The following AGRN variants were observed in gnomAD, a reference collection of about 807,000 sequenced individuals.
AGRN encodes agrin proteoglycan.
Under a neutral mutation model 211.0 loss-of-function variants are expected in AGRN, and 106 were observed. That is an observed-to-expected ratio of 0.50 (90% CI 0.43 to 0.59). The LOEUF (loss-of-function observed/expected upper bound fraction) is 0.59, where lower values mean the gene tolerates loss of function less well. AGRN is among the 20% of genes least tolerant of loss of function. The probability of loss-of-function intolerance (pLI) is 0.00; values close to 1 mark genes in which losing one functional copy is unlikely to be tolerated. For missense variants in AGRN, 3,040 were observed against 2,982.6 expected (o/e 1.02, Z -0.45); for synonymous variants, 1,525 against 1,332.5 (o/e 1.14, Z -3.15).
rs940581903 is a variant in AGRN, at chr1:1,032,879, C to T, written c.464-2398C>T. Among the ~76,000 whole-genome samples the T allele has an allele frequency of 2.0e-5, 3 of 152,080 alleles. No individual in the cohort carries two copies. Among genetic ancestry groups the T allele is most frequent in the South Asian group, 2.1e-4 (1 of 4,810 alleles). On this transcript the variant is annotated intron_variant, in intron 2 of 35. Transcript: ENST00000379370. This position sits in a 1 kb window ranked among gnomAD's most constrained non-coding sequence, Gnocchi z 4.7. ...GAGAGATTCTGGCCTCCAGGGTGGT[C>T]GGGCCTGGCATGGACTCTAGGGGAT...
intron 3 of AGRN, among the ~76,000 whole-genome samples, chr1:1,036,863 CCTTCCTGAGA>C (rs1201439939): frequency 1.3e-5 from 2 of 152,142 alleles, no homozygotes; most frequent in Non-Finnish European, 2.9e-5. Flanking sequence ...TTGCTGTCCC[CCTTCCTGAGA>C]CTCAGGAGCC....
intron 1 of AGRN, 123 bp from the exon 2 acceptor site, chr1:1,022,078 C>T: frequency 7.8e-7 from 1 of 1,276,194 alleles, no homozygotes. Context: ...ACTCAGAGGT[C>T]TCCCCACATC....
chr1:1,053,254 G>A (rs946137724), intron 33 of AGRN: 12 of 356,218 alleles, frequency 3.4e-5, no homozygotes, highest in African/African-American at 8.7e-5. Flanking sequence ...GTGTCTGCAC[G>A]TGGGTGTCTG....
At chr1:1,051,412 C>CG (rs1645286210) in intron 31 of AGRN, 41 bp from the exon 32 acceptor site, 1 of 652,612 alleles carries the variant, frequency 1.5e-6, no homozygotes, top group African/African-American at 1.8e-5. Flanking sequence ...CCGGGGCGGG[C>CG]GGGGTGGCAG....
chr1:1,053,401 G>A (rs527289909), intron 33 of AGRN: 1 of 1,318,428 alleles, frequency 7.6e-7, no homozygotes, highest in South Asian at 1.3e-5. Context: ...TGTTGAGATG[G>A]GTTTGCATTG....
chr1:1,037,396 G>A (rs769215805), intron 3 of AGRN, among the ~76,000 whole-genome samples: 5 of 152,178 alleles, frequency 3.3e-5, no homozygotes, highest in Non-Finnish European at 5.9e-5. Context: ...CAAGGCCATC[G>A]TGACCCACAT....
rs755829410 is a variant in AGRN, at chr1:1,048,933, A to G, written c.4172A>G (p.Tyr1391Cys). 3 of 1,563,848 alleles carry G rather than the reference A, an allele frequency of 1.9e-6. No homozygotes were observed. Among genetic ancestry groups the G allele is most frequent in the Non-Finnish European group, 2.6e-6 (3 of 1,155,650 alleles). The change falls in exon 24 of 36, where the codon TAC (tyrosine) becomes TGC (cysteine). Residue 1391 changes from tyrosine (Y) to cysteine (C), a missense_variant. By Grantham distance (194) the Tyr-to-Cys change is radical. This residue lies in a region of AGRN where 1,537 missense variants were observed against 1,505.0 expected (regional missense o/e 1.02). Transcript: ENST00000379370. The surrounding 1 kb of genome is among the most constrained non-coding windows in gnomAD (Gnocchi z 5.9). ...CTGGCCTTCCCCACTCTCCGCGCCT[A>G]CCACACGCTGCGCCTGGCACTGGAA... is the stretch of plus-strand genomic sequence containing the variant. ...SFLAFPTLRAYHTLRLALEFR... is the reference protein window; with the variant it reads ...SFLAFPTLRACHTLRLALEFR...
chr1:1,047,332 A>G lies in AGRN; in HGVS notation c.3394A>G (p.Lys1132Glu), dbSNP rs1199250838. Residue 1132 changes from lysine (K) to glutamate (E), a missense_variant, in exon 20 of 36, where the codon AAG (lysine) becomes GAG (glutamate). This residue lies in a region of AGRN where 1,537 missense variants were observed against 1,505.0 expected (regional missense o/e 1.02). Transcript: ENST00000379370. The part of the protein sequence containing the change: ...DAEGSNCPAT[K>E]VFQGVLELEG... ...TCACTGTACCTCCCCCACAGCCACC[A>G]AGGTGTTCCAGGGCGTCCTGGAGCT... is the stretch of plus-strand genomic sequence containing the variant. 1 of 1,601,894 alleles carries G rather than the reference A, an allele frequency of 6.2e-7. No individual in the cohort carries two copies.
At position 1,046,020 on chromosome 1, in the gene AGRN, G is replaced by T; in HGVS notation, c.2737G>T (p.Val913Leu). ...EMRCEFGARC[V>L]EESGSAHCVC... is the part of the protein sequence containing the mutation. ...GCGCTGTGAGTTCGGTGCGCGGTGC[G>T]TGGAGGAGTCTGGCTCAGCCCACTG... Residue 913 changes from valine (V) to leucine (L), a missense_variant, in exon 16 of 36, where the codon GTG becomes TTG. By Grantham distance (32) the Val-to-Leu change is conservative. This residue lies in a region of AGRN where 1,498 missense variants were observed against 1,457.8 expected (regional missense o/e 1.03). Coordinates refer to ENST00000379370, the MANE Select transcript of AGRN (RefSeq NM_198576.4). 1.9e-6 allele frequency: 3 copies of T among 1,614,034 alleles called. No homozygotes were observed. Among genetic ancestry groups the T allele is most frequent in the Non-Finnish European group, 2.5e-6 (3 of 1,180,012 alleles).
intron 2 of AGRN, chr1:1,034,224 T>A: frequency 1.0e-6 from 1 of 985,214 alleles, no homozygotes; most frequent in Non-Finnish European, 1.2e-6. Flanking sequence ...CTCCGGGGGC[T>A]CCGGGAAGAC....
intron 3 of AGRN, among the ~76,000 whole-genome samples, chr1:1,039,652 C>T (rs1239647347): frequency 6.6e-6 from 1 of 152,070 alleles, no homozygotes; most frequent in African/African-American, 2.4e-5. Context: ...GCTTTGTTGG[C>T]CACGTTGAGG....
At position 1,050,029 on chromosome 1, in the gene AGRN, G is replaced by T; in HGVS notation, c.4871G>T (p.Cys1624Phe). 1 of 1,547,994 alleles carries T rather than the reference G, an allele frequency of 6.5e-7. No individual in the cohort carries two copies. ...CCCCTGGGGCGTGAGGGCACCTTCTGCCAGACAGGTCGGGGGCGTGGGGCT... is the reference window on the plus strand; with the variant it reads ...CCCCTGGGGCGTGAGGGCACCTTCTTCCAGACAGGTCGGGGGCGTGGGGCT... ...ECPLGREGTFCQTASGQDGSG... is the reference protein window; with the variant it reads ...ECPLGREGTFFQTASGQDGSG... Residue 1624 changes from cysteine to phenylalanine, a missense_variant, in exon 27 of 36, where the codon TGC becomes TTC. Cys to Phe is a radical substitution (Grantham distance 205). Transcript: ENST00000379370.
chr1:1,033,159 G>A (rs1368995133), intron 2 of AGRN, among the ~76,000 whole-genome samples: 1 of 151,992 alleles, frequency 6.6e-6, no homozygotes, highest in Non-Finnish European at 1.5e-5. Context: ...AATTTGCATG[G>A]GGCTCATTTG....
intron 1 of AGRN, among the ~76,000 whole-genome samples, chr1:1,021,025 G>C (rs1644390804): frequency 6.6e-6 from 1 of 152,066 alleles, no homozygotes; most frequent in Non-Finnish European, 1.5e-5. Flanking sequence ...GGGTAGGTAC[G>C]CTGGGACCCC....
Position 1,051,596 on chromosome 1 carries a change from C to T in AGRN, c.5514C>T (p.Ala1838=), listed in dbSNP as rs775833834. ...CCTCCTGCGTCCCGAGGGAGGCTGC[C>T]TATGTGTGCCTGTGTCCCGGGGGAT... The part of the protein sequence containing the change: ...NGASCVPREA[A]YVCLCPGGFS... The change falls in exon 32 of 36, where the codon GCC becomes GCT. Residue 1838 remains alanine (A), a synonymous_variant. Transcript: ENST00000379370. The T allele has an allele frequency of 6.2e-7, 1 of 1,606,642 alleles. No individual in the cohort carries two copies. Among genetic ancestry groups the T allele is most frequent in the South Asian group, 1.1e-5 (1 of 90,590 alleles).
intron 33 of AGRN, 54 bp from the exon 34 acceptor site, chr1:1,053,699 A>G: frequency 1.5e-6 from 2 of 1,377,034 alleles, no homozygotes; most frequent in South Asian, 2.5e-5. Context: ...CGCCTCCCCC[A>G]CCCTGTCCTG....
intron 3 of AGRN, among the ~76,000 whole-genome samples, chr1:1,037,293 CAGA>C (rs912295765): frequency 6.6e-6 from 1 of 152,206 alleles, no homozygotes; most frequent in African/African-American, 2.4e-5. Flanking sequence ...TCCTGACACC[CAGA>C]AGGCTGGGGA....
intron 1 of AGRN, among the ~76,000 whole-genome samples, chr1:1,021,896 G>A (rs1313982593): frequency 6.6e-6 from 1 of 152,244 alleles, no homozygotes; most frequent in African/African-American, 2.4e-5. Flanking sequence ...AGCCAGGTGG[G>A]CCCCCTTCCC....
intron 7 of AGRN, among the ~76,000 whole-genome samples, chr1:1,042,430 G>A (rs769933911): frequency 6.6e-6 from 1 of 152,162 alleles, no homozygotes. Flanking sequence ...TGGCCTGTCC[G>A]CATGTCTCCA....
Sources: gnomAD v4.1 joint callset for allele counts (sites outside exome capture counted in the v4.1 genomes callset) on GRCh38, gnomAD v4.1.1 for gene constraint, gnomAD v4.1.1 regional missense constraint, Gnocchi (gnomAD v3.1) non-coding constraint, MANE v1.5 for transcripts, NCBI Gene and HGNC (gene_info 2026-07-23, HGNC 2026-07-21) for gene names.